Variants in UNC5C observed in about 807,000 individuals in gnomAD.
UNC5C encodes netrin receptor UNC5C.
Under a neutral mutation model 99.8 loss-of-function variants are expected in UNC5C, and 47 were observed. That is an observed-to-expected ratio of 0.47 (90% CI 0.37 to 0.60). The LOEUF is 0.60. UNC5C is among the 20% of genes least tolerant of loss of function. The probability of loss-of-function intolerance (pLI) is 0.00; values close to 1 mark genes in which losing one functional copy is unlikely to be tolerated. For synonymous variants in UNC5C, 487 were observed against 452.2 expected (o/e 1.08, Z -0.98); for missense variants, 1,062 against 1,165.9 (o/e 0.91, Z 1.30).
At position 95,202,930 on chromosome 4, in the gene UNC5C, G is replaced by A. The variant is rs149451558; in HGVS notation, c.1937C>T (p.Thr646Ile). 6.2e-7 allele frequency: 1 copy of A among 1,614,178 alleles called. No individual in the cohort carries two copies. The highest frequency in any genetic ancestry group is 1.7e-5 in the Admixed American group (1 of 60,026). ...VVVVGEENFT[T>I]PCYIQLDAEA... ...TGCATCCAGCTGAATGTAGCAGGGGGTGGTGAAGTTTTCCTCCCCGACCAC... is the reference window on the plus strand; with the variant it reads ...TGCATCCAGCTGAATGTAGCAGGGGATGGTGAAGTTTTCCTCCCCGACCAC... The change falls in exon 12 of 16, where the codon ACC becomes ATC. Residue 646 changes from threonine to isoleucine, a missense_variant. By Grantham distance (89) the Thr-to-Ile change is moderately conservative. Around this residue, in one of 3 missense-constraint regions of UNC5C, gnomAD observed 810 missense variants for 854.5 expected, o/e 0.95. Coordinates refer to ENST00000453304, the MANE Select transcript of UNC5C (RefSeq NM_003728.4).
intron 10 of UNC5C, among the ~76,000 whole-genome samples, chr4:95,213,666 C>T (rs1473424334): frequency 3.3e-5 from 5 of 152,172 alleles, no homozygotes; most frequent in Admixed American, 2.0e-4. Flanking sequence ...GGAAACATAC[C>T]CAGTTTGGGA....
chr4:95,500,388 A>G (rs1001806981), intron 1 of UNC5C, among the ~76,000 whole-genome samples: 10 of 152,210 alleles, frequency 6.6e-5, no homozygotes, highest in African/African-American at 1.9e-4. Context: ...TTGTGCTTAT[A>G]CAACAATGTC....
chr4:95,214,310 C>T (rs545257434), intron 10 of UNC5C, among the ~76,000 whole-genome samples: 5 of 152,212 alleles, frequency 3.3e-5, no homozygotes, highest in Admixed American at 3.3e-4. Flanking sequence ...TGAGGTTTTC[C>T]TAGCTTCATT....
At chr4:95,197,662 C>T (rs534292498) in intron 12 of UNC5C, among the ~76,000 whole-genome samples, 5 of 152,038 alleles carry the variant, frequency 3.3e-5, no homozygotes, top group African/African-American at 1.2e-4. Context: ...GAAGAACTGC[C>T]GTGGGAATCG....
At chr4:95,262,818 ATT>A (rs1303873502) in intron 4 of UNC5C, among the ~76,000 whole-genome samples, 4 of 146,324 alleles carry the variant, frequency 2.7e-5, no homozygotes, top group South Asian at 2.2e-4. Context: ...AAGTTTCCCT[ATT>A]TTTTTTTTTT....
At chr4:95,358,816 C>T (rs1744294425) in intron 1 of UNC5C, among the ~76,000 whole-genome samples, 1 of 152,122 alleles carries the variant, frequency 6.6e-6, no homozygotes, top group South Asian at 2.1e-4. Context: ...AAGAAGTGAG[C>T]TATTTTTATA....
intron 4 of UNC5C, among the ~76,000 whole-genome samples, chr4:95,268,565 A>G (rs984453837): frequency 3.9e-5 from 6 of 152,332 alleles, no homozygotes; most frequent in Middle Eastern, 6.8e-3. Flanking sequence ...TTGTCTAATC[A>G]TATATGTCAA....
intron 1 of UNC5C, among the ~76,000 whole-genome samples, chr4:95,442,453 C>T (rs1746978192): frequency 6.7e-6 from 1 of 149,710 alleles, no homozygotes; most frequent in Admixed American, 6.7e-5. Context: ...AGCGATCTTC[C>T]CTCCTTGGCC....
chr4:95,495,587 C>A (rs1430113960), intron 1 of UNC5C, among the ~76,000 whole-genome samples: 1 of 151,646 alleles, frequency 6.6e-6, no homozygotes, highest in East Asian at 1.9e-4. Context: ...ATCTTCACAA[C>A]AATCTCAGTG....
intron 10 of UNC5C, among the ~76,000 whole-genome samples, chr4:95,213,442 C>G (rs1460859971): frequency 6.6e-6 from 1 of 152,096 alleles, no homozygotes; most frequent in Admixed American, 6.5e-5. Context: ...CTGAGCACAG[C>G]CTTGCAGCTC....
chr4:95,279,028 C>G (rs951319992), intron 3 of UNC5C, among the ~76,000 whole-genome samples: 2 of 152,094 alleles, frequency 1.3e-5, no homozygotes, highest in African/African-American at 4.8e-5. Context: ...ATTCTTATGC[C>G]TACAGATTCC....
intron 1 of UNC5C, among the ~76,000 whole-genome samples, chr4:95,341,148 A>C (rs927859759): frequency 2.0e-5 from 3 of 152,164 alleles, no homozygotes; most frequent in Admixed American, 2.0e-4. Flanking sequence ...TGGAATCCAT[A>C]TTACAGACAG....
At chr4:95,422,463 CT>C (rs1426130351) in intron 1 of UNC5C, among the ~76,000 whole-genome samples, 2 of 152,204 alleles carry the variant, frequency 1.3e-5, no homozygotes, top group East Asian at 1.9e-4. Context: ...GGGTCTTGCT[CT>C]TTTTTTCTCT....
rs1403096943 is a variant in UNC5C, at chr4:95,242,427, A to C, written c.1108+2T>G. 6.2e-7 allele frequency: 1 copy of C among 1,613,796 alleles called. No homozygotes were observed. ...GTCTGCAGTTTGCTTAAATTGACTT[A>C]CTCTGCATGCAAAGCCCATCAGTGC... On this transcript the variant is annotated splice_donor_variant, in intron 7 of 15. Transcript: ENST00000453304. LOFTEE classifies it high-confidence loss of function.
At chr4:95,498,138 T>C (rs963097613) in intron 1 of UNC5C, among the ~76,000 whole-genome samples, 1 of 152,040 alleles carries the variant, frequency 6.6e-6, no homozygotes, top group Non-Finnish European at 1.5e-5. Context: ...ACATCTATCA[T>C]GGACCCCGAA....
chr4:95,172,560 C>A (rs556156275), intron 14 of UNC5C, among the ~76,000 whole-genome samples: 6 of 151,806 alleles, frequency 4.0e-5, no homozygotes, highest in African/African-American at 1.2e-4. Context: ...AGATATGCGG[C>A]GTTATTTCTG....
chr4:95,243,291 A>T (rs1252016438), intron 6 of UNC5C, among the ~76,000 whole-genome samples: 1 of 152,144 alleles, frequency 6.6e-6, no homozygotes, highest in Non-Finnish European at 1.5e-5. Flanking sequence ...GTCATTTAGA[A>T]CTGACTTACT....
At chr4:95,505,471 C>T (rs1313910581) in intron 1 of UNC5C, among the ~76,000 whole-genome samples, 1 of 152,084 alleles carries the variant, frequency 6.6e-6, no homozygotes, top group Non-Finnish European at 1.5e-5. Flanking sequence ...TCAAACCCTG[C>T]TGTATTAGCC....
At chr4:95,347,376 A>G (rs1256945727) in intron 1 of UNC5C, among the ~76,000 whole-genome samples, 1 of 152,022 alleles carries the variant, frequency 6.6e-6, no homozygotes, top group Non-Finnish European at 1.5e-5. Flanking sequence ...TCAAAATATC[A>G]ATGACATTCT....
Sources: allele counts gnomAD v4.1 joint callset (sites outside exome capture counted in the v4.1 genomes callset), GRCh38; gene constraint gnomAD v4.1.1; regional missense constraint gnomAD v4.1.1; transcripts MANE v1.5; gene names NCBI Gene and HGNC (gene_info 2026-07-23, HGNC 2026-07-21).